Variants in AK5 observed in about 807,000 individuals in gnomAD.
AK5 encodes adenylate kinase 5.
In AK5, 27 loss-of-function variants were observed where a neutral mutation model predicts 69.5. The ratio of observed to expected loss-of-function variants is 0.39; its 90% CI spans 0.29 to 0.54. The LOEUF is 0.54. Among genes scored for constraint, AK5 ranks in the 20% least tolerant of loss-of-function variants. The pLI, the probability that AK5 is intolerant of heterozygous loss-of-function variation, is 0.71. For synonymous variants in AK5, 260 were observed against 244.4 expected, an observed-to-expected ratio of 1.06 and a Z score of -0.60; for missense variants, 531 against 700.4, an observed-to-expected ratio of 0.76 and a Z score of 2.73.
At chr1:77,486,243 T>G (rs1286086997) in intron 9 of AK5, 65 bp from the exon 10 acceptor site, 7 of 1,072,552 alleles carry the variant, frequency 6.5e-6, no homozygotes, top group Non-Finnish European at 8.3e-6. Flanking sequence ...TTATATAATA[T>G]GAGTAAAACC....
intron 7 of AK5, among the ~76,000 whole-genome samples, chr1:77,414,037 G>A (rs1650229642): frequency 6.6e-6 from 1 of 152,180 alleles, no homozygotes; most frequent in African/African-American, 2.4e-5. Context: ...GCTTAATGCA[G>A]GTCAGGCACT....
chr1:77,302,833 T>G (rs2100264069), intron 5 of AK5, among the ~76,000 whole-genome samples: 1 of 152,348 alleles, frequency 6.6e-6, no homozygotes, highest in South Asian at 2.1e-4. Flanking sequence ...CTCTAGCTCT[T>G]TCCAGCCATT....
At position 77,288,374 on chromosome 1, in the gene AK5, A is replaced by C. The variant is rs150265879; in HGVS notation, c.247+1247A>C. 1.6e-3 allele frequency among the ~76,000 whole-genome samples: 240 copies of C among 152,276 alleles called. 1 individual carries two copies. Among genetic ancestry groups the C allele is most frequent in the African/African-American group, 5.5e-3 (230 of 41,546 alleles). ...TGGCCAAAATCATTATATTTTCAAA[A>C]CTGAAACCATTCTCAAAAATTGTAC... On this transcript the variant is annotated intron_variant, in intron 2 of 13. Coordinates refer to ENST00000354567, the MANE Select transcript of AK5 (RefSeq NM_174858.3).
chr1:77,394,908 A>C (rs549122551), intron 6 of AK5, among the ~76,000 whole-genome samples: 4 of 152,068 alleles, frequency 2.6e-5, no homozygotes, highest in African/African-American at 9.6e-5. Context: ...TTACCAAAAA[A>C]TTAATTGTAA....
intron 6 of AK5, among the ~76,000 whole-genome samples, chr1:77,388,525 A>G (rs1648176033): frequency 6.6e-6 from 1 of 152,018 alleles, no homozygotes; most frequent in Admixed American, 6.6e-5. Flanking sequence ...CATCTGAGAA[A>G]CCCAAAGCCA....
At chr1:77,343,248 T>TA (rs1236389719) in intron 6 of AK5, among the ~76,000 whole-genome samples, 4 of 152,198 alleles carry the variant, frequency 2.6e-5, no homozygotes, top group African/African-American at 9.7e-5. Context: ...ATTAATCACT[T>TA]ATCTCTGCAC....
At chr1:77,315,688 A>G (rs1055077603) in intron 5 of AK5, among the ~76,000 whole-genome samples, 2 of 152,170 alleles carry the variant, frequency 1.3e-5, no homozygotes, top group African/African-American at 2.4e-5. Context: ...TGTAGCTCCT[A>G]TGTAGGCGAC....
Position 77,386,894 on chromosome 1 carries a change from T to A in AK5, c.892-24087T>A, listed in dbSNP as rs376244038. Among the ~76,000 whole-genome samples, 13 of 152,188 alleles carry A rather than the reference T, an allele frequency of 8.5e-5. 1 individual carries two copies. The highest frequency in any genetic ancestry group is 5.9e-4 in the Admixed American group (9 of 15,278). ...TTATCTATTTTTTTCACTTCCTACCTCTATGTGTTCAAATTTTTTCTCTCT... is the reference window on the plus strand; with the variant it reads ...TTATCTATTTTTTTCACTTCCTACCACTATGTGTTCAAATTTTTTCTCTCT... On this transcript the variant is annotated intron_variant, in intron 6 of 13. Coordinates refer to ENST00000354567, the MANE Select transcript of AK5 (RefSeq NM_174858.3).
intron 13 of AK5, among the ~76,000 whole-genome samples, chr1:77,549,805 A>G (rs1659731829): frequency 6.6e-6 from 1 of 152,070 alleles, no homozygotes; most frequent in Admixed American, 6.5e-5. Context: ...ATAGTACTCC[A>G]TCATGTATGT....
At chr1:77,533,121 A>G (rs554733429) in intron 12 of AK5, among the ~76,000 whole-genome samples, 8 of 152,312 alleles carry the variant, frequency 5.3e-5, no homozygotes, top group South Asian at 2.1e-4. Context: ...CAGGAGAGAG[A>G]GGTTAGGTCA....
At chr1:77,380,451 T>A (rs936502679) in intron 6 of AK5, among the ~76,000 whole-genome samples, 1 of 152,162 alleles carries the variant, frequency 6.6e-6, no homozygotes, top group Non-Finnish European at 1.5e-5. Context: ...ACTCTACCAT[T>A]CCCCACATTT....
intron 6 of AK5, among the ~76,000 whole-genome samples, chr1:77,408,451 T>G (rs1649808525): frequency 6.6e-6 from 1 of 152,120 alleles, no homozygotes; most frequent in Non-Finnish European, 1.5e-5. Flanking sequence ...GTTTATGTCT[T>G]TTGCCCACTT....
intron 6 of AK5, among the ~76,000 whole-genome samples, chr1:77,361,840 G>C (rs901356020): frequency 2.6e-5 from 4 of 152,056 alleles, no homozygotes; most frequent in African/African-American, 9.7e-5. Flanking sequence ...CCTCACCCCC[G>C]CCGTAATTCA....
chr1:77,394,601 G>A (rs1648712111), intron 6 of AK5, among the ~76,000 whole-genome samples: 1 of 151,830 alleles, frequency 6.6e-6, no homozygotes, highest in Admixed American at 6.6e-5. Context: ...ACTGAACAAT[G>A]AACTCTAGTG....
At chr1:77,375,365 C>T (rs918803241) in intron 6 of AK5, among the ~76,000 whole-genome samples, 7 of 152,130 alleles carry the variant, frequency 4.6e-5, no homozygotes, top group Non-Finnish European at 7.4e-5. Context: ...AAGAGTGTCA[C>T]ATTCTGCAGT....
At chr1:77,430,401 C>G (rs185849471) in intron 8 of AK5, among the ~76,000 whole-genome samples, 203 of 152,234 alleles carry the variant, frequency 1.3e-3, no homozygotes, top group Middle Eastern at 3.4e-3. Context: ...AAGACGAGTT[C>G]TGTAAAGATA....
intron 5 of AK5, among the ~76,000 whole-genome samples, chr1:77,310,302 A>G (rs1353886624): frequency 6.6e-6 from 1 of 152,100 alleles, no homozygotes; most frequent in Non-Finnish European, 1.5e-5. Flanking sequence ...CTGCACCAAT[A>G]TCATGGTTCC....
At chr1:77,491,508 T>C (rs1003492215) in intron 10 of AK5, among the ~76,000 whole-genome samples, 1 of 152,098 alleles carries the variant, frequency 6.6e-6, no homozygotes, top group Admixed American at 6.5e-5. Flanking sequence ...GGTTTCACCA[T>C]GTTGGCCAGG....
chr1:77,501,822 T>A (rs71658797), intron 10 of AK5, among the ~76,000 whole-genome samples: 10,927 of 152,260 alleles, frequency 0.072, 604 homozygotes, highest in Non-Finnish European at 0.11. Context: ...GAAGAAAGAA[T>A]CCTGAACTAA....
Sources: gnomAD v4.1 joint callset for allele counts (sites outside exome capture counted in the v4.1 genomes callset) on GRCh38, gnomAD v4.1.1 for gene constraint, MANE v1.5 for transcripts, NCBI Gene and HGNC (gene_info 2026-07-23, HGNC 2026-07-21) for gene names.